IMMP2L: variants seen among roughly 807,000 people sequenced by gnomAD.
The protein encoded by IMMP2L is mitochondrial inner membrane protease subunit 2.
In IMMP2L, 18 loss-of-function variants were observed where a neutral mutation model predicts 19.3. The observed-to-expected ratio is 0.93, with a 90% confidence interval of 0.64 to 1.38. IMMP2L has a LOEUF of 1.38. Among genes scored for constraint, IMMP2L ranks in the 40% most tolerant of loss-of-function variants. The pLI, the probability that IMMP2L is intolerant of heterozygous loss-of-function variation, is 0.00. For missense variants in IMMP2L, 233 were observed against 218.2 expected, an observed-to-expected ratio of 1.07 and a Z score of -0.43; for synonymous variants, 76 against 73.0, an observed-to-expected ratio of 1.04 and a Z score of -0.21.
chr7:110,713,906 G>A (rs751411510), intron 5 of IMMP2L, among the ~76,000 whole-genome samples: 8 of 152,040 alleles, frequency 5.3e-5, no homozygotes, highest in Non-Finnish European at 1.0e-4. Context: ...TCCTATTTTG[G>A]ATGACTTTTA....
chr7:111,181,026 C>A (rs1807649122), intron 3 of IMMP2L, among the ~76,000 whole-genome samples: 1 of 151,772 alleles, frequency 6.6e-6, no homozygotes. Flanking sequence ...TTTACTATAC[C>A]ATTATTACTA....
At chr7:111,172,985 C>T (rs1385451133) in intron 3 of IMMP2L, among the ~76,000 whole-genome samples, 1 of 151,470 alleles carries the variant, frequency 6.6e-6, no homozygotes, top group Non-Finnish European at 1.5e-5. Flanking sequence ...GAACTGTAAC[C>T]TGCTGAGGGA....
At chr7:111,365,116 AG>A (rs1401780077) in intron 3 of IMMP2L, among the ~76,000 whole-genome samples, 15 of 152,148 alleles carry the variant, frequency 9.9e-5, no homozygotes, top group African/African-American at 3.4e-4. Flanking sequence ...TTAAATAAGA[AG>A]GTCTTAACCT....
intron 4 of IMMP2L, among the ~76,000 whole-genome samples, chr7:110,955,181 G>GT (rs1487976530): frequency 1.3e-5 from 2 of 151,774 alleles, no homozygotes; most frequent in African/African-American, 4.8e-5. Context: ...AAGACATACA[G>GT]TTTTTATTAA....
intron 1 of IMMP2L, among the ~76,000 whole-genome samples, chr7:111,547,026 C>A (rs1168317636): frequency 6.6e-6 from 1 of 152,060 alleles, no homozygotes; most frequent in Non-Finnish European, 1.5e-5. Flanking sequence ...TAGGATAGGT[C>A]TTTTAGGCCA....
At chr7:111,038,682 A>T (rs934993432) in intron 3 of IMMP2L, among the ~76,000 whole-genome samples, 1 of 152,144 alleles carries the variant, frequency 6.6e-6, no homozygotes, top group Non-Finnish European at 1.5e-5. Flanking sequence ...AAGGGAGTAC[A>T]TTGTTTCATA....
chr7:110,871,280 G>A (rs778142389), intron 5 of IMMP2L, among the ~76,000 whole-genome samples: 7 of 152,018 alleles, frequency 4.6e-5, no homozygotes, highest in African/African-American at 1.4e-4. Flanking sequence ...CTGGAGATAC[G>A]AATCTGAGCA....
At chr7:111,258,991 G>A (rs1314292315) in intron 3 of IMMP2L, among the ~76,000 whole-genome samples, 1 of 152,028 alleles carries the variant, frequency 6.6e-6, no homozygotes, top group African/African-American at 2.4e-5. Context: ...CACACATGTA[G>A]GCTATAAGGT....
chr7:111,006,599 A>G (rs1046671287), intron 3 of IMMP2L, among the ~76,000 whole-genome samples: 14 of 152,110 alleles, frequency 9.2e-5, no homozygotes, highest in African/African-American at 2.9e-4. Context: ...AAGAGCAACA[A>G]TTTTATCTAA....
intron 3 of IMMP2L, among the ~76,000 whole-genome samples, chr7:111,417,422 T>C (rs1835058259): frequency 6.6e-6 from 1 of 151,772 alleles, no homozygotes; most frequent in African/African-American, 2.4e-5. Context: ...TAGTGGGATA[T>C]ATGTAAGTGG....
chr7:111,123,062 TG>T lies in IMMP2L; in HGVS notation c.240-159498del. 6.2e-7 allele frequency: 1 copy of T among 1,613,836 alleles called. No homozygotes were observed. The highest frequency in any genetic ancestry group is 8.5e-7 in the Non-Finnish European group (1 of 1,179,918). ...GACTTTCCAGTAAACCTTACTGGCC[TG>T]GATTTATCTCAAAACAATTTATCTT... On this transcript the variant is annotated intron_variant, in intron 3 of 5. Coordinates refer to ENST00000405709, the MANE Select transcript of IMMP2L (RefSeq NM_032549.4). This position sits in a 1 kb window ranked among gnomAD's most constrained non-coding sequence, Gnocchi z 6.4.
intron 3 of IMMP2L, among the ~76,000 whole-genome samples, chr7:111,039,095 A>ATGGTC (rs1203487543): frequency 6.6e-6 from 1 of 152,028 alleles, no homozygotes; most frequent in Non-Finnish European, 1.5e-5. Flanking sequence ...ATAGAATAGA[A>ATGGTC]TGGTCTGCTT....
intron 4 of IMMP2L, among the ~76,000 whole-genome samples, chr7:110,944,393 A>T (rs1315493603): frequency 6.6e-6 from 1 of 151,656 alleles, no homozygotes; most frequent in Admixed American, 6.6e-5. Flanking sequence ...CATGAACACA[A>T]GAAGATAAGC....
At chr7:110,805,156 T>C (rs544352877) in intron 5 of IMMP2L, among the ~76,000 whole-genome samples, 2 of 152,098 alleles carry the variant, frequency 1.3e-5, no homozygotes, top group African/African-American at 4.8e-5. Context: ...AAAGTCCTAC[T>C]GAATAAATAA....
chr7:111,298,602 A>AG (rs2129909427), intron 3 of IMMP2L, among the ~76,000 whole-genome samples: 1 of 151,996 alleles, frequency 6.6e-6, no homozygotes, highest in South Asian at 2.1e-4. Flanking sequence ...ACACACAAAA[A>AG]AAATTTAGCT....
chr7:111,540,355 T>G (rs1848404293), intron 1 of IMMP2L, among the ~76,000 whole-genome samples: 1 of 152,162 alleles, frequency 6.6e-6, no homozygotes, highest in East Asian at 1.9e-4. Context: ...TGCCAACCTG[T>G]GCACAACATT....
intron 3 of IMMP2L, among the ~76,000 whole-genome samples, chr7:111,101,638 T>A (rs1231077088): frequency 3.7e-4 from 56 of 151,700 alleles, no homozygotes; most frequent in African/African-American, 1.3e-3. Flanking sequence ...GTATATTTCC[T>A]GTGAAATATA....
At chr7:110,830,044 A>G (rs1803829183) in intron 5 of IMMP2L, among the ~76,000 whole-genome samples, 1 of 152,134 alleles carries the variant, frequency 6.6e-6, no homozygotes, top group African/African-American at 2.4e-5. Flanking sequence ...CAAGTCACAT[A>G]TGTGCTTAGT....
chr7:111,280,596 A>G (rs912866151), intron 3 of IMMP2L, among the ~76,000 whole-genome samples: 3 of 152,184 alleles, frequency 2.0e-5, no homozygotes, highest in South Asian at 4.1e-4. Flanking sequence ...GGCAAGCAAA[A>G]AAAGGAAATG....
Sources: allele counts gnomAD v4.1 joint callset (sites outside exome capture counted in the v4.1 genomes callset), GRCh38; gene constraint gnomAD v4.1.1; non-coding constraint Gnocchi (gnomAD v3.1); transcripts MANE v1.5; gene names NCBI Gene and HGNC (gene_info 2026-07-23, HGNC 2026-07-21).